Variants in NRTN observed in about 807,000 individuals in gnomAD.
NRTN encodes prepro-neurturin.
Under a neutral mutation model 7.5 loss-of-function variants are expected in NRTN, and 3 were observed. The ratio of observed to expected loss-of-function variants is 0.40; its 90% CI spans 0.18 to 1.03. The LOEUF is 1.03. NRTN is among the 50% of genes least tolerant of loss of function. The pLI is 0.34. For synonymous variants in NRTN, 157 were observed against 146.6 expected (o/e 1.07, Z -0.51); for missense variants, 310 against 307.0 (o/e 1.01, Z -0.07).
intron 1 of NRTN, among the ~76,000 whole-genome samples, chr19:5,813,117 G>T (rs1568396745): frequency 2.0e-5 from 3 of 152,112 alleles, no homozygotes; most frequent in Admixed American, 6.6e-5. Context: ...GCTCACACCT[G>T]TAATCACAGC....
intron 1 of NRTN, among the ~76,000 whole-genome samples, chr19:5,818,855 GC>G (rs770522187): frequency 7.3e-5 from 11 of 151,642 alleles, no homozygotes; most frequent in Non-Finnish European, 1.6e-4. Flanking sequence ...CTGCTAATCA[GC>G]CCTGCCTGCT....
At chr19:5,820,590 A>C in intron 1 of NRTN, among the ~76,000 whole-genome samples, 1 of 137,182 alleles carries the variant, frequency 7.3e-6, no homozygotes, top group Non-Finnish European at 1.6e-5. Context: ...TTACTTAGAC[A>C]TGGTGGCACA....
chr19:5,810,008 A>G (rs8102202), intron 1 of NRTN, among the ~76,000 whole-genome samples: 131,599 of 151,822 alleles, frequency 0.87, 57,136 homozygotes, highest in East Asian at 0.98. Flanking sequence ...GCTCATGCCT[A>G]TAATCCCAGC....
At chr19:5,809,939 C>T (rs1015469555) in intron 1 of NRTN, among the ~76,000 whole-genome samples, 6 of 152,082 alleles carry the variant, frequency 3.9e-5, no homozygotes, top group Admixed American at 3.3e-4. Context: ...AGGTTCCAAT[C>T]CCAGCTCAGA....
chr19:5,826,140 A>C (rs530048439), intron 2 of NRTN, among the ~76,000 whole-genome samples: 32 of 152,254 alleles, frequency 2.1e-4, no homozygotes, highest in Non-Finnish European at 3.4e-4. Context: ...GTCTCAAAAA[A>C]AAAAAAAAGA....
In NRTN at chr19:5,828,129, C is replaced by CAGTGCT; in HGVS notation, c.551_552insGTGCTA (p.His184delinsGlnCysTyr). On this transcript the variant is annotated protein_altering_variant, in exon 3 of 3. Coordinates refer to ENST00000303212, the MANE Select transcript of NRTN (RefSeq NM_004558.5). ...CTTCCTGGACGCGCACAGCCGCTAC[C>CAGTGCT]ACACGGTGCACGAGCTGTCGGCGCG... 1 of 1,514,612 alleles carries CAGTGCT rather than the reference C, an allele frequency of 6.6e-7. No homozygotes were observed. Among genetic ancestry groups the CAGTGCT allele is most frequent in the South Asian group, 1.2e-5 (1 of 81,524 alleles). 93.8% of individuals were successfully genotyped at this position (1,514,612 alleles called of 1,614,324 possible).
chr19:5,813,909 G>A (rs537537033), intron 1 of NRTN, among the ~76,000 whole-genome samples: 2 of 152,258 alleles, frequency 1.3e-5, no homozygotes, highest in East Asian at 1.9e-4. Flanking sequence ...TTGGGAGGCT[G>A]AGGCAGGAGA....
chr19:5,820,551 T>G, intron 1 of NRTN, among the ~76,000 whole-genome samples: 1 of 108,130 alleles, frequency 9.2e-6, no homozygotes, highest in Non-Finnish European at 1.8e-5. Flanking sequence ...GGCGACAGAG[T>G]GAGACTCCGT....
chr19:5,812,978 C>T (rs947098988), intron 1 of NRTN, among the ~76,000 whole-genome samples: 2 of 152,214 alleles, frequency 1.3e-5, no homozygotes, highest in African/African-American at 4.8e-5. Flanking sequence ...GCCTGGCATC[C>T]TCTACCCATG....
chr19:5,811,108 G>A (rs993430907), intron 1 of NRTN, among the ~76,000 whole-genome samples: 1 of 151,214 alleles, frequency 6.6e-6, no homozygotes, highest in Non-Finnish European at 1.5e-5. Context: ...GTGTAGTGGC[G>A]TGCACCTGTA....
Position 5,828,011 on chromosome 19 carries a change from G to A in NRTN, c.432G>A (p.Gly144=). The A allele has an allele frequency of 6.9e-7, 1 of 1,440,400 alleles. No individual in the cohort carries two copies. Among genetic ancestry groups the A allele is most frequent in the African/African-American group, 1.5e-5 (1 of 67,328 alleles). 89.2% of individuals were successfully genotyped at this position (1,440,400 alleles called of 1,614,324 possible). Residue 144 remains glycine, a synonymous_variant, in exon 3 of 3, where the codon GGG becomes GGA. Coordinates refer to ENST00000303212, the MANE Select transcript of NRTN (RefSeq NM_004558.5). ...CEAAARVYDL[G]LRRLRQRRRL... Reference sequence around the variant, plus strand: ...CTGCCGCGCGCGTCTACGACCTCGGGCTGCGACGACTGCGCCAGCGGCGGC... The same window carrying A: ...CTGCCGCGCGCGTCTACGACCTCGGACTGCGACGACTGCGCCAGCGGCGGC...
chr19:5,820,755 A>AAAAAAAAAT, intron 1 of NRTN, among the ~76,000 whole-genome samples: 1 of 150,342 alleles, frequency 6.7e-6, no homozygotes, highest in Non-Finnish European at 1.5e-5. Flanking sequence ...AAAAAAAAAA[A>AAAAAAAAAT]AAAAAAAAAA....
chr19:5,812,898 G>A (rs1167226946), intron 1 of NRTN, among the ~76,000 whole-genome samples: 18 of 152,310 alleles, frequency 1.2e-4, no homozygotes, highest in South Asian at 8.3e-4. Flanking sequence ...AGGCACAGGC[G>A]CGCGAACACA....
intron 2 of NRTN, among the ~76,000 whole-genome samples, chr19:5,826,072 T>C (rs144970486): frequency 4.6e-5 from 7 of 151,868 alleles, no homozygotes; most frequent in African/African-American, 1.7e-4. Flanking sequence ...GAGGCGGAGC[T>C]TGCAGTGAGC....
chr19:5,824,427 G>GT (rs34182948), intron 2 of NRTN, 93 bp downstream of exon 2: 152,044 of 1,472,480 alleles, frequency 0.1, 13,232 homozygotes, highest in East Asian at 0.45. Context: ...GGTGTCATAG[G>GT]TTTTTTAAAG....
intron 2 of NRTN, among the ~76,000 whole-genome samples, chr19:5,826,581 T>G (rs1255100299): frequency 6.6e-6 from 1 of 152,164 alleles, no homozygotes; most frequent in Non-Finnish European, 1.5e-5. Flanking sequence ...GGCTCATTCT[T>G]TTGACAGCCA....
At chr19:5,810,355 C>G (rs2056986431) in intron 1 of NRTN, among the ~76,000 whole-genome samples, 2 of 151,674 alleles carry the variant, frequency 1.3e-5, no homozygotes, top group Non-Finnish European at 2.9e-5. Flanking sequence ...TCAAGCAGTC[C>G]TCCCACCTTC....
intron 1 of NRTN, among the ~76,000 whole-genome samples, chr19:5,811,647 C>T (rs1473816325): frequency 6.6e-6 from 1 of 151,818 alleles, no homozygotes; most frequent in Non-Finnish European, 1.5e-5. Flanking sequence ...ATTCTCCTGC[C>T]TGATCCTCCT....
Position 5,824,013 on chromosome 19 carries a change from T to A in NRTN, c.-153T>A, listed in dbSNP as rs2057035664. The A allele has an allele frequency of 1.9e-6, 2 of 1,031,284 alleles. No homozygotes were observed. The highest frequency in any genetic ancestry group is 2.9e-6 in the Non-Finnish European group (2 of 693,012). The allele number at this position is 1,031,284 out of a possible 1,614,324, so 63.9% of individuals were successfully genotyped here. A position where few individuals can be genotyped will look rare whatever the true frequency, so the allele number is the denominator to read the frequency against. On this transcript the variant is annotated 5_prime_UTR_variant, in exon 2 of 3. The change creates a new upstream start codon in the 5' untranslated region. Coordinates refer to ENST00000303212, the MANE Select transcript of NRTN (RefSeq NM_004558.5). ...AACCCCTTCCTTGTTCAATGGTTCCTTGAGGGACCATTCCCATGTGATTAT... is the reference window on the plus strand; with the variant it reads ...AACCCCTTCCTTGTTCAATGGTTCCATGAGGGACCATTCCCATGTGATTAT...
Sources: gnomAD v4.1 joint callset for allele counts (sites outside exome capture counted in the v4.1 genomes callset) on GRCh38, gnomAD v4.1.1 for gene constraint, MANE v1.5 for transcripts, NCBI Gene and HGNC (gene_info 2026-07-23, HGNC 2026-07-21) for gene names.